ANK1: variants seen among roughly 807,000 people sequenced by gnomAD.
ANK1 encodes ankyrin-1.
In ANK1, 51 loss-of-function variants were observed where a neutral mutation model predicts 210.4. The observed-to-expected ratio is 0.24, with a 90% confidence interval of 0.19 to 0.31. ANK1 has a LOEUF of 0.31. Among genes scored for constraint, ANK1 ranks in the 10% least tolerant of loss-of-function variants. ANK1 has a pLI of 1.00. For missense variants in ANK1, 2,051 were observed against 2,504.4 expected, an observed-to-expected ratio of 0.82 and a Z score of 3.86; for synonymous variants, 967 against 1,025.9, an observed-to-expected ratio of 0.94 and a Z score of 1.10.
At chr8:41,788,879 A>G in intron 1 of ANK1, 1 of 152,320 alleles carries the variant, frequency 6.6e-6, no homozygotes, top group Non-Finnish European at 1.5e-5. Context: ...GGCTCCTCAA[A>G]CCAGCTCCTC....
At chr8:41,672,943 C>T (rs1396660258) in intron 37 of ANK1, 31 bp from the exon 38 acceptor site, 3 of 1,573,202 alleles carry the variant, frequency 1.9e-6, no homozygotes, top group South Asian at 1.1e-5. Context: ...CAACATGCTC[C>T]AGCAGTGATT....
At chr8:41,799,029 C>T (rs1299879356), upstream of ANK1, among the ~76,000 whole-genome samples, 2 of 151,976 alleles carry the variant, frequency 1.3e-5, no homozygotes, top group African/African-American at 4.8e-5. Context: ...TGGGCCATCT[C>T]CCCGGGGACT....
chr8:41,803,257 G>A (rs1850448741), intron 1 of ANK1: 1 of 152,060 alleles, frequency 6.6e-6, no homozygotes, highest in Non-Finnish European at 1.5e-5. Flanking sequence ...TTATTGGGTT[G>A]TTACAGTCTA....
At chr8:41,682,284 C>T (rs1184131230) in intron 37 of ANK1, among the ~76,000 whole-genome samples, 2 of 152,184 alleles carry the variant, frequency 1.3e-5, no homozygotes, top group Non-Finnish European at 2.9e-5. Flanking sequence ...GCATGGCTCC[C>T]ACCTCATCTC....
At chr8:41,802,728 G>A (rs1481902555) in intron 1 of ANK1, among the ~76,000 whole-genome samples, 1 of 151,868 alleles carries the variant, frequency 6.6e-6, no homozygotes, top group Non-Finnish European at 1.5e-5. Flanking sequence ...GGGCAACATG[G>A]CAAAACCCCA....
At chr8:41,672,249 A>C in intron 38 of ANK1, 105 bp downstream of exon 38, 1 of 1,246,098 alleles carries the variant, frequency 8.0e-7, no homozygotes, top group Non-Finnish European at 1.1e-6. Flanking sequence ...ATTAGAACCC[A>C]GGGTCAGGGT....
rs1824126367 is a variant in ANK1, at chr8:41,704,856, C to T, written c.2098-384G>A. 6.6e-6 allele frequency among the ~76,000 whole-genome samples: 1 copy of T among 152,154 alleles called. No homozygotes were observed. The highest frequency in any genetic ancestry group is 6.5e-5 in the Admixed American group (1 of 15,280). Reference sequence around the variant, plus strand: ...GGGAAACCTTGAGAGACCAGCATCACAGAATCCCAGGGGAGCTATTTCAAG... The same window carrying T: ...GGGAAACCTTGAGAGACCAGCATCATAGAATCCCAGGGGAGCTATTTCAAG... On this transcript the variant is annotated intron_variant, in intron 18 of 42. Transcript: ENST00000289734. This position sits in a 1 kb window ranked among gnomAD's most constrained non-coding sequence, Gnocchi z 4.1.
At chr8:41,862,434 C>T (rs555649122) in intron 1 of ANK1, among the ~76,000 whole-genome samples, 98 of 152,170 alleles carry the variant, frequency 6.4e-4, no homozygotes, top group African/African-American at 2.3e-3. Context: ...CAGCCTGCGC[C>T]CCAGGTGGAC....
intron 20 of ANK1, among the ~76,000 whole-genome samples, chr8:41,703,095 TGCTGGGATTACA>T (rs1823327271): frequency 6.6e-6 from 1 of 152,042 alleles, no homozygotes; most frequent in Non-Finnish European, 1.5e-5. Context: ...CTTCCCAAGG[TGCTGGGATTACA>T]GGCATGAGCC....
intron 2 of ANK1, among the ~76,000 whole-genome samples, chr8:41,746,414 AGAGAGAGGT>A (rs1836146753): frequency 6.6e-6 from 1 of 152,186 alleles, no homozygotes; most frequent in East Asian, 1.9e-4. Flanking sequence ...GCACAAACTC[AGAGAGAGGT>A]GGCGCAGATG....
chr8:41,749,253 G>A (rs1837037632), intron 2 of ANK1, among the ~76,000 whole-genome samples: 1 of 148,058 alleles, frequency 6.8e-6, no homozygotes, highest in African/African-American at 2.5e-5. Flanking sequence ...GTCAATAAAT[G>A]TTTGCAGAAT....
chr8:41,873,068 C>T (rs1333526386), intron 1 of ANK1, among the ~76,000 whole-genome samples: 1 of 152,246 alleles, frequency 6.6e-6, no homozygotes, highest in Non-Finnish European at 1.5e-5. Context: ...GAGCCGTTCT[C>T]GTCTCCTGCT....
chr8:41,690,738 T>C, intron 31 of ANK1, 139 bp from the exon 32 acceptor site: 1 of 1,391,856 alleles, frequency 7.2e-7, no homozygotes, highest in Non-Finnish European at 9.9e-7. Context: ...AGAAATCCAC[T>C]GTTTGTTTTG....
At chr8:41,751,348 T>G (rs520642) in intron 2 of ANK1, among the ~76,000 whole-genome samples, 1 of 152,152 alleles carries the variant, frequency 6.6e-6, no homozygotes, top group Non-Finnish European at 1.5e-5. Context: ...TTTGCCTCAC[T>G]GCGGCTTGGA....
intron 39 of ANK1, among the ~76,000 whole-genome samples, chr8:41,667,052 G>T (rs1356558440): frequency 6.6e-6 from 1 of 152,236 alleles, no homozygotes; most frequent in African/African-American, 2.4e-5. Context: ...CAGGAGAAGA[G>T]ACCCAGTTAA....
At chr8:41,860,226 A>G (rs1010553798) in intron 1 of ANK1, among the ~76,000 whole-genome samples, 1 of 152,204 alleles carries the variant, frequency 6.6e-6, no homozygotes, top group Non-Finnish European at 1.5e-5. Context: ...TCTGCAGGCT[A>G]AGAATAGCTC....
chr8:41,780,330 T>C (rs1025508442), intron 1 of ANK1, among the ~76,000 whole-genome samples: 1 of 152,252 alleles, frequency 6.6e-6, no homozygotes, highest in African/African-American at 2.4e-5. Flanking sequence ...CAGCCTCTTC[T>C]TGATTTTTGA....
chr8:41,889,272 G>A (rs936669379), intron 1 of ANK1, among the ~76,000 whole-genome samples: 2 of 152,334 alleles, frequency 1.3e-5, no homozygotes, highest in Non-Finnish European at 2.9e-5. Flanking sequence ...TTGGAGTCAG[G>A]TGCATCTGGG....
At chr8:41,716,387 G>C (rs1179601126) in intron 13 of ANK1, among the ~76,000 whole-genome samples, 4 of 151,954 alleles carry the variant, frequency 2.6e-5, no homozygotes, top group East Asian at 1.9e-4. Flanking sequence ...TGCTGCTGTC[G>C]GGCTGCCTGG....
Sources: gnomAD v4.1 joint callset for allele counts (sites outside exome capture counted in the v4.1 genomes callset) on GRCh38, gnomAD v4.1.1 for gene constraint, Gnocchi (gnomAD v3.1) non-coding constraint, MANE v1.5 for transcripts, NCBI Gene and HGNC (gene_info 2026-07-23, HGNC 2026-07-21) for gene names.